CSMD1: variants seen among roughly 807,000 people sequenced by gnomAD.
CSMD1 encodes CUB and sushi domain-containing protein 1.
In CSMD1, 213 loss-of-function variants were observed where a neutral mutation model predicts 417.5. That is an observed-to-expected ratio of 0.51 (90% CI 0.46 to 0.57). CSMD1 has a LOEUF of 0.57. Ranked by LOEUF, CSMD1 falls within the 20% of genes least tolerant of loss-of-function variation. The pLI is 0.00. For missense variants in CSMD1, 6,923 were observed against 4,529.7 expected (o/e 1.53, Z -15.17); for synonymous variants, 2,862 against 1,736.8 (o/e 1.65, Z -16.11).
intron 54 of CSMD1, among the ~76,000 whole-genome samples, chr8:2,993,546 G>A (rs1004168976): frequency 3.3e-5 from 5 of 152,074 alleles, no homozygotes; most frequent in African/African-American, 1.2e-4. Context: ...TTAGGAAGTC[G>A]GCTTCCAATT....
intron 3 of CSMD1, among the ~76,000 whole-genome samples, chr8:4,242,056 G>T (rs1006477815): frequency 3.3e-5 from 5 of 152,076 alleles, no homozygotes; most frequent in African/African-American, 1.2e-4. Flanking sequence ...AAATGAAAAA[G>T]GGTAAATTAA....
chr8:3,703,468 AT>A (rs1800988818), intron 7 of CSMD1, among the ~76,000 whole-genome samples: 1 of 151,908 alleles, frequency 6.6e-6, no homozygotes, highest in African/African-American at 2.4e-5. Flanking sequence ...TCATTCATTC[AT>A]TCATTCATTC....
At chr8:3,042,784 T>G (rs1057392481) in intron 50 of CSMD1, among the ~76,000 whole-genome samples, 4 of 152,142 alleles carry the variant, frequency 2.6e-5, no homozygotes, top group Admixed American at 1.3e-4. Context: ...AACCTTAGTT[T>G]TTCTACATTG....
chr8:3,629,133 G>A (rs548336201), intron 7 of CSMD1, among the ~76,000 whole-genome samples: 4 of 152,238 alleles, frequency 2.6e-5, no homozygotes, highest in Non-Finnish European at 5.9e-5. Context: ...GGCATGACGT[G>A]AGCAAAGACA....
intron 3 of CSMD1, among the ~76,000 whole-genome samples, chr8:4,392,839 G>A (rs930241514): frequency 2.6e-5 from 4 of 151,714 alleles, no homozygotes; most frequent in Non-Finnish European, 5.9e-5. Context: ...GTGGTGGCAG[G>A]CACCTGTAAT....
intron 2 of CSMD1, among the ~76,000 whole-genome samples, chr8:4,482,270 A>G (rs963895281): frequency 6.6e-6 from 1 of 151,898 alleles, no homozygotes; most frequent in Non-Finnish European, 1.5e-5. Context: ...TATAGCCCCC[A>G]GTGTGTGTTG....
chr8:4,576,736 C>T (rs891006305), intron 2 of CSMD1, among the ~76,000 whole-genome samples: 3 of 152,072 alleles, frequency 2.0e-5, no homozygotes, highest in Non-Finnish European at 2.9e-5. Context: ...ACTAAATTTT[C>T]AGAAATATAT....
intron 7 of CSMD1, among the ~76,000 whole-genome samples, chr8:3,698,619 G>A (rs570969289): frequency 2.6e-5 from 4 of 152,162 alleles, no homozygotes; most frequent in South Asian, 2.1e-4. Flanking sequence ...CAGCACTCGC[G>A]TCCCTAAAAG....
intron 1 of CSMD1, among the ~76,000 whole-genome samples, chr8:4,824,867 T>C (rs1028167599): frequency 4.6e-5 from 7 of 152,120 alleles, no homozygotes; most frequent in African/African-American, 1.4e-4. Context: ...TGAAATGTCA[T>C]TGTAATAGAA....
At chr8:4,909,300 A>G (rs1024713155) in intron 1 of CSMD1, among the ~76,000 whole-genome samples, 1 of 148,916 alleles carries the variant, frequency 6.7e-6, no homozygotes, top group Non-Finnish European at 1.5e-5. Context: ...GACTTTTCTG[A>G]GAATTTTCCC....
intron 2 of CSMD1, among the ~76,000 whole-genome samples, chr8:4,464,710 T>C (rs767211757): frequency 5.9e-5 from 9 of 152,042 alleles, no homozygotes; most frequent in Non-Finnish European, 1.3e-4. Context: ...TGTTGTGTTT[T>C]AATGTATCTA....
At chr8:3,871,471 G>C (rs1375193321) in intron 5 of CSMD1, among the ~76,000 whole-genome samples, 1 of 151,974 alleles carries the variant, frequency 6.6e-6, no homozygotes, top group African/African-American at 2.4e-5. Context: ...TACTAGTGAG[G>C]TTGAATTTAT....
chr8:3,973,350 G>C lies in CSMD1; in HGVS notation c.818+24553C>G, dbSNP rs573039563. ...GCACTCTGCTTGGTGCTAGATAGAA[G>C]ATTTTCAAAAGAATATTTAACTTTC... On this transcript the variant is annotated intron_variant, in intron 5 of 69. Coordinates refer to ENST00000635120, the MANE Select transcript of CSMD1 (RefSeq NM_033225.6). 2.4e-4 allele frequency among the ~76,000 whole-genome samples: 36 copies of C among 152,112 alleles called. 1 individual carries two copies. Among genetic ancestry groups the C allele is most frequent in the Non-Finnish European group, 4.6e-4 (31 of 68,032 alleles).
At chr8:4,244,163 C>T (rs56773863) in intron 3 of CSMD1, among the ~76,000 whole-genome samples, 2 of 152,178 alleles carry the variant, frequency 1.3e-5, no homozygotes, top group African/African-American at 4.8e-5. Flanking sequence ...ACAGGCAGCT[C>T]TGCAAGTTTC....
chr8:3,644,517 G>C (rs928773024), intron 7 of CSMD1, among the ~76,000 whole-genome samples: 1 of 152,148 alleles, frequency 6.6e-6, no homozygotes, highest in Non-Finnish European at 1.5e-5. Context: ...AAGAAGATGG[G>C]GAAGATGATG....
At chr8:3,409,920 A>G (rs988549378) in intron 12 of CSMD1, among the ~76,000 whole-genome samples, 5 of 152,230 alleles carry the variant, frequency 3.3e-5, no homozygotes, top group Non-Finnish European at 7.3e-5. Context: ...TTTATCTGCA[A>G]TTGCTACTAC....
chr8:4,327,333 G>C (rs1041639700), intron 3 of CSMD1, among the ~76,000 whole-genome samples: 1 of 152,174 alleles, frequency 6.6e-6, no homozygotes, highest in Non-Finnish European at 1.5e-5. Flanking sequence ...TTTTAAGAGA[G>C]AATCAGAATA....
intron 7 of CSMD1, among the ~76,000 whole-genome samples, chr8:3,645,621 A>G (rs1049960324): frequency 6.6e-6 from 1 of 152,194 alleles, no homozygotes; most frequent in Admixed American, 6.5e-5. Flanking sequence ...TCATGGGAAG[A>G]GTCGGCCTTC....
At chr8:4,036,957 G>GTGTA (rs1491348470) in intron 3 of CSMD1, among the ~76,000 whole-genome samples, 1 of 4,744 alleles carries the variant, frequency 2.1e-4, no homozygotes, top group East Asian at 6.8e-3. Context: ...TGAGTGTGGG[G>GTGTA]TGTGTGTGTG....
Sources: allele counts gnomAD v4.1 joint callset (sites outside exome capture counted in the v4.1 genomes callset), GRCh38; gene constraint gnomAD v4.1.1; transcripts MANE v1.5; gene names NCBI Gene and HGNC (gene_info 2026-07-23, HGNC 2026-07-21).